Variants in SAMD4A observed in about 807,000 individuals in gnomAD.
The protein encoded by SAMD4A is protein Smaug homolog 1.
Under a neutral mutation model 81.3 loss-of-function variants are expected in SAMD4A, and 33 were observed. The observed-to-expected ratio is 0.41, with a 90% CI of 0.31 to 0.54. The LOEUF (loss-of-function observed/expected upper bound fraction) is 0.54, where lower values mean the gene tolerates loss of function less well. SAMD4A is among the 20% of genes least tolerant of loss of function. The pLI, the probability that SAMD4A is intolerant of heterozygous loss-of-function variation, is 0.37. For missense variants in SAMD4A, 854 were observed against 951.1 expected (o/e 0.90, Z 1.34); for synonymous variants, 389 against 382.1 (o/e 1.02, Z -0.21).
At chr14:54,606,212 TGC>T (rs1555335584) in intron 2 of SAMD4A, among the ~76,000 whole-genome samples, 202 of 150,358 alleles carry the variant, frequency 1.3e-3, no homozygotes, top group African/African-American at 4.3e-3. Context: ...TGTGTGTGTG[TGC>T]GTGCACGTGC....
chr14:54,667,253 T>A (rs1594787344), intron 2 of SAMD4A, among the ~76,000 whole-genome samples: 1 of 152,230 alleles, frequency 6.6e-6, no homozygotes, highest in Non-Finnish European at 1.5e-5. Flanking sequence ...AGGGTTCAGC[T>A]GTTACCAACT....
chr14:54,730,042 A>G (rs1438658812), intron 3 of SAMD4A, among the ~76,000 whole-genome samples: 2 of 152,240 alleles, frequency 1.3e-5, no homozygotes, highest in Non-Finnish European at 2.9e-5. Context: ...ACCAAAGATT[A>G]GTGCAATAAT....
At chr14:54,741,433 T>TGG (rs2037841044) in intron 4 of SAMD4A, among the ~76,000 whole-genome samples, 1 of 152,152 alleles carries the variant, frequency 6.6e-6, no homozygotes, top group Non-Finnish European at 1.5e-5. Flanking sequence ...CTGCATTATA[T>TGG]GGGAGGAAAG....
chr14:54,692,883 C>CCCA lies in SAMD4A; in HGVS notation c.197-9177_197-9176insACC, dbSNP rs1029345800. ...TTGAAACAATCACTTAGTGCCCCCC[C>CCCA]CCGCAAAAAAATCAGACATATAACA... On this transcript the variant is annotated intron_variant, in intron 2 of 12. Transcript: ENST00000554335. 11 of 146,452 alleles carry CCCA rather than the reference C, an allele frequency of 7.5e-5. 1 individual carries two copies. The highest frequency in any genetic ancestry group is 6.6e-4 in the South Asian group (3 of 4,516). The allele number at this position is 146,452 out of a possible 1,614,324, so 9.1% of individuals were successfully genotyped here.
intron 2 of SAMD4A, among the ~76,000 whole-genome samples, chr14:54,659,933 T>G (rs1158087836): frequency 6.6e-6 from 1 of 152,140 alleles, no homozygotes; most frequent in Non-Finnish European, 1.5e-5. Flanking sequence ...GCCTTTTGAT[T>G]AGCCGAGCAT....
intron 2 of SAMD4A, among the ~76,000 whole-genome samples, chr14:54,618,074 T>C (rs2034531977): frequency 6.6e-6 from 1 of 152,212 alleles, no homozygotes; most frequent in Non-Finnish European, 1.5e-5. Flanking sequence ...TTATCAATAT[T>C]TTGGTGACAA....
At chr14:54,739,059 T>TC (rs1025308811) in intron 4 of SAMD4A, among the ~76,000 whole-genome samples, 3 of 143,666 alleles carry the variant, frequency 2.1e-5, no homozygotes, top group African/African-American at 5.2e-5. Context: ...CCTTTTCTTT[T>TC]TTTTTTTTTT....
intron 2 of SAMD4A, among the ~76,000 whole-genome samples, chr14:54,649,185 G>C (rs960457210): frequency 2.0e-5 from 3 of 152,226 alleles, no homozygotes; most frequent in African/African-American, 4.8e-5. Flanking sequence ...TGTCGAGTAG[G>C]ATTTGAACAT....
At chr14:54,786,744 G>A (rs2039151392) in intron 12 of SAMD4A, among the ~76,000 whole-genome samples, 1 of 152,202 alleles carries the variant, frequency 6.6e-6, no homozygotes. Flanking sequence ...ATCATCATTA[G>A]CAGCAAGAAT....
intron 2 of SAMD4A, among the ~76,000 whole-genome samples, chr14:54,576,514 C>T (rs749380006): frequency 1.3e-5 from 2 of 152,092 alleles, no homozygotes; most frequent in African/African-American, 2.4e-5. Context: ...TGCAAGATAC[C>T]AGAAGAATAT....
At chr14:54,707,392 C>T (rs963515878) in intron 3 of SAMD4A, among the ~76,000 whole-genome samples, 1 of 152,076 alleles carries the variant, frequency 6.6e-6, no homozygotes, top group African/African-American at 2.4e-5. Context: ...ATATGAGCCA[C>T]CACACCCAGC....
chr14:54,758,973 G>A (rs1053214868), intron 6 of SAMD4A, among the ~76,000 whole-genome samples: 2 of 152,200 alleles, frequency 1.3e-5, no homozygotes, highest in Admixed American at 1.3e-4. Context: ...GCCATGCCAG[G>A]CAGGGCCCCA....
intron 5 of SAMD4A, among the ~76,000 whole-genome samples, chr14:54,749,146 G>T (rs1385591288): frequency 6.6e-6 from 1 of 152,180 alleles, no homozygotes; most frequent in Non-Finnish European, 1.5e-5. Context: ...TAACTGCAGG[G>T]TCGTGAGGGT....
rs185345573 is a variant in SAMD4A at position 54,642,627 on chromosome 14, A to G, written c.197-59435A>G. On this transcript the variant is annotated intron_variant, in intron 2 of 12. Coordinates refer to ENST00000554335, the MANE Select transcript of SAMD4A (RefSeq NM_015589.6). Reference sequence around the variant, plus strand: ...TGTGGAGATTCATTCAGTACCAGCTATGTGCCTGGTACTGTGTTCATCACT... The same window carrying G: ...TGTGGAGATTCATTCAGTACCAGCTGTGTGCCTGGTACTGTGTTCATCACT... Among the ~76,000 whole-genome samples, 376 of 152,296 alleles carry G rather than the reference A, an allele frequency of 2.5e-3. 1 individual carries two copies. The highest frequency in any genetic ancestry group is 8.7e-3 in the African/African-American group (362 of 41,558).
intron 2 of SAMD4A, among the ~76,000 whole-genome samples, chr14:54,589,241 C>T (rs2033709428): frequency 6.6e-6 from 1 of 152,130 alleles, no homozygotes; most frequent in Non-Finnish European, 1.5e-5. Context: ...TTTACACGCT[C>T]ATCTATCAGG....
intron 8 of SAMD4A, 97 bp from the exon 9 acceptor site, chr14:54,770,007 C>T: frequency 7.8e-6 from 6 of 772,636 alleles, no homozygotes; most frequent in Admixed American, 2.1e-5. Flanking sequence ...GAAAAGGCAA[C>T]TGCAGAGACT....
At chr14:54,748,260 A>G (rs981541622) in intron 4 of SAMD4A, among the ~76,000 whole-genome samples, 2 of 152,360 alleles carry the variant, frequency 1.3e-5, no homozygotes, top group African/African-American at 4.8e-5. Flanking sequence ...AGATCAGGCT[A>G]GGAATGAGTG....
At chr14:54,704,528 C>A (rs2036804566) in intron 3 of SAMD4A, among the ~76,000 whole-genome samples, 2 of 152,178 alleles carry the variant, frequency 1.3e-5, no homozygotes. Flanking sequence ...TCATCAAGCA[C>A]CTATTTCTGG....
At position 54,681,497 on chromosome 14, in the gene SAMD4A, A is replaced by G. The variant is rs540687282; in HGVS notation, c.197-20565A>G. ...CAGGCTGGAGTATAGTGGCATGATC[A>G]TGGCTCATAGCAGCCTTGAACTCCC... On this transcript the variant is annotated intron_variant, in intron 2 of 12. Transcript: ENST00000554335. Among the ~76,000 whole-genome samples the G allele has an allele frequency of 1.4e-3, 209 of 152,164 alleles. 1 individual carries two copies. Among genetic ancestry groups the G allele is most frequent in the Non-Finnish European group, 2.5e-3 (169 of 67,998 alleles).
Sources: allele counts gnomAD v4.1 joint callset (sites outside exome capture counted in the v4.1 genomes callset), GRCh38; gene constraint gnomAD v4.1.1; transcripts MANE v1.5; gene names NCBI Gene and HGNC (gene_info 2026-07-23, HGNC 2026-07-21).